The following ATP8B4 variants were observed in gnomAD, a reference collection of about 807,000 sequenced individuals.
ATP8B4 encodes the protein probable phospholipid-transporting ATPase IM.
Under a neutral mutation model 145.6 loss-of-function variants are expected in ATP8B4, and 133 were observed. That is an observed-to-expected ratio of 0.91 (90% CI 0.79 to 1.05). The LOEUF is 1.05. Among genes scored for constraint, ATP8B4 ranks in the 50% least tolerant of loss-of-function variants. The probability of loss-of-function intolerance (pLI) is 0.00; values close to 1 mark genes in which losing one functional copy is unlikely to be tolerated. For synonymous variants in ATP8B4, 507 were observed against 492.9 expected (o/e 1.03, Z -0.38); for missense variants, 1,458 against 1,425.2 (o/e 1.02, Z -0.37).
chr15:50,125,036 A>C (rs1377411628), intron 1 of ATP8B4, among the ~76,000 whole-genome samples: 1 of 152,224 alleles, frequency 6.6e-6, no homozygotes, highest in Non-Finnish European at 1.5e-5. Flanking sequence ...ATCTCTTGCT[A>C]TCAGGGGAGT....
intron 7 of ATP8B4, among the ~76,000 whole-genome samples, chr15:50,008,710 T>C (rs1599776258): frequency 1.3e-5 from 2 of 152,118 alleles, no homozygotes; most frequent in South Asian, 4.1e-4. Context: ...TGAGGCACCA[T>C]AGAGTTAAAA....
intron 2 of ATP8B4, among the ~76,000 whole-genome samples, chr15:50,105,909 T>C (rs902746804): frequency 8.3e-6 from 1 of 120,154 alleles, no homozygotes; most frequent in African/African-American, 3.3e-5. Context: ...TAAGATTGTA[T>C]ATAAATAAAT....
intron 23 of ATP8B4, among the ~76,000 whole-genome samples, chr15:49,887,761 T>G (rs2036367219): frequency 6.6e-6 from 1 of 152,188 alleles, no homozygotes; most frequent in African/African-American, 2.4e-5. Context: ...GAGCAATTTA[T>G]CAGCCTTATC....
At chr15:49,985,289 G>T (rs1016762249) in intron 10 of ATP8B4, among the ~76,000 whole-genome samples, 1 of 151,932 alleles carries the variant, frequency 6.6e-6, no homozygotes, top group South Asian at 2.1e-4. Flanking sequence ...GTAGAGATGG[G>T]GTTTCACCAT....
intron 1 of ATP8B4, among the ~76,000 whole-genome samples, chr15:50,135,721 A>C (rs956473835): frequency 3.3e-5 from 5 of 152,232 alleles, no homozygotes; most frequent in Non-Finnish European, 1.5e-5. Context: ...GAAACCTGAC[A>C]TACATAAAAC....
intron 6 of ATP8B4, among the ~76,000 whole-genome samples, chr15:50,020,099 T>C (rs1023365090): frequency 6.6e-6 from 1 of 151,938 alleles, no homozygotes; most frequent in Non-Finnish European, 1.5e-5. Flanking sequence ...CAACTGCAGG[T>C]GCACACCACC....
At chr15:50,171,195 G>T (rs2044669283) in intron 1 of ATP8B4, among the ~76,000 whole-genome samples, 2 of 151,996 alleles carry the variant, frequency 1.3e-5, no homozygotes, top group African/African-American at 4.8e-5. Flanking sequence ...CTATACCTTG[G>T]AACAAACAGA....
rs1489043308 is a variant in ATP8B4, at chr15:50,072,921, C to CCCCTCTCTCT, written c.87+1205_87+1206insAGAGAGAGGG. Among the ~76,000 whole-genome samples, 3 of 27,270 alleles carry CCCCTCTCTCT rather than the reference C, an allele frequency of 1.1e-4. 1 individual carries two copies. Among genetic ancestry groups the CCCCTCTCTCT allele is most frequent in the African/African-American group, 4.3e-4 (3 of 6,910 alleles). The allele number at this position is 27,270 out of a possible 152,430, so 17.9% of individuals were successfully genotyped here. A position where few individuals can be genotyped will look rare whatever the true frequency, so the allele number is the denominator to read the frequency against. On this transcript the variant is annotated intron_variant, in intron 3 of 27. Coordinates refer to ENST00000284509, the MANE Select transcript of ATP8B4 (RefSeq NM_024837.4). Reference sequence around the variant, plus strand: ...TACAGGCATGAGTCACTGTGCCCGGCCTCTCTCTCTCTCTCTCTCTCTCTC... The same window carrying CCCCTCTCTCT: ...TACAGGCATGAGTCACTGTGCCCGGCCCCTCTCTCTCTCTCTCTCTCTCTCTCTCTCTCTC...
At chr15:50,146,948 G>C (rs936659843) in intron 1 of ATP8B4, among the ~76,000 whole-genome samples, 2 of 152,206 alleles carry the variant, frequency 1.3e-5, no homozygotes, top group Non-Finnish European at 2.9e-5. Context: ...AAGCCAGTTG[G>C]AGTTTTTCCA....
At chr15:49,977,379 C>T (rs2045760657) in intron 12 of ATP8B4, among the ~76,000 whole-genome samples, 1 of 152,100 alleles carries the variant, frequency 6.6e-6, no homozygotes, top group South Asian at 2.1e-4. Flanking sequence ...CATTTGTCTT[C>T]ATCAATATGC....
At chr15:50,058,465 C>T (rs561600428) in intron 3 of ATP8B4, among the ~76,000 whole-genome samples, 2 of 152,264 alleles carry the variant, frequency 1.3e-5, no homozygotes, top group Non-Finnish European at 2.9e-5. Context: ...ATAAGAAAGA[C>T]ACAATGGAAA....
chr15:50,172,384 T>C (rs1035455549), intron 1 of ATP8B4, among the ~76,000 whole-genome samples: 1 of 152,240 alleles, frequency 6.6e-6, no homozygotes, highest in Non-Finnish European at 1.5e-5. Flanking sequence ...CCGCGAGTGA[T>C]CTGCCAGCCT....
At chr15:49,952,566 T>G (rs2043197158) in intron 14 of ATP8B4, among the ~76,000 whole-genome samples, 1 of 152,206 alleles carries the variant, frequency 6.6e-6, no homozygotes. Context: ...TGTTCCTCTC[T>G]AAACTGATTA....
chr15:50,056,852 T>C (rs2052644202), intron 3 of ATP8B4, among the ~76,000 whole-genome samples: 1 of 151,994 alleles, frequency 6.6e-6, no homozygotes, highest in African/African-American at 2.4e-5. Flanking sequence ...AATCTATGCA[T>C]TGTCTATATG....
intron 5 of ATP8B4, among the ~76,000 whole-genome samples, chr15:50,043,153 T>A (rs188545794): frequency 6.6e-6 from 1 of 152,284 alleles, no homozygotes; most frequent in African/African-American, 2.4e-5. Flanking sequence ...AACCTGTAAC[T>A]CATTGGCATA....
At position 50,106,962 on chromosome 15, in the gene ATP8B4, A is replaced by AACATTATTAT. The variant is rs1419570348; in HGVS notation, c.-6_4dup (p.Phe2TyrfsTer7). ...ACCACGCAATTTCTTTTCACTGCAG[A>AACATTATTAT]ACATTATTATACCTGATCTTTCACC... On this transcript the variant is annotated frameshift_variant, in exon 2 of 28. Transcript: ENST00000284509. LOFTEE classifies it high-confidence loss of function. 4 of 1,598,720 alleles carry AACATTATTAT rather than the reference A, an allele frequency of 2.5e-6. No individual in the cohort carries two copies. The highest frequency in any genetic ancestry group is 2.6e-6 in the Non-Finnish European group (3 of 1,173,738).
chr15:50,085,872 T>TC (rs2054886529), intron 2 of ATP8B4, among the ~76,000 whole-genome samples: 1 of 38,474 alleles, frequency 2.6e-5, no homozygotes, highest in Admixed American at 3.1e-4. Flanking sequence ...ACGTATCATA[T>TC]ATATTTATAT....
intron 23 of ATP8B4, chr15:49,896,440 T>C (rs571320429): frequency 6.6e-6 from 1 of 152,358 alleles, no homozygotes; most frequent in Non-Finnish European, 1.5e-5. Flanking sequence ...TTGAATAAAA[T>C]GATTTTTTAA....
Position 49,922,457 on chromosome 15 carries a change from T to C in ATP8B4, c.1758+922A>G, listed in dbSNP as rs939356007. 8.2e-5 allele frequency: 35 copies of C among 425,734 alleles called. No individual in the cohort carries two copies. In the East Asian group the frequency reaches 2.3e-3, roughly 28 times the overall value. The allele number at this position is 425,734 out of a possible 1,614,324, so 26.4% of individuals were successfully genotyped here. On this transcript the variant is annotated intron_variant, in intron 17 of 27. Transcript: ENST00000284509. The stretch of plus-strand genomic sequence containing the variant: ...TCTCTATTGGAAAGACAAAAAACAA[T>C]AGCTATGTTTGTAACCAATATTACC...
Sources: gnomAD v4.1 joint callset for allele counts (sites outside exome capture counted in the v4.1 genomes callset) on GRCh38, gnomAD v4.1.1 for gene constraint, MANE v1.5 for transcripts, NCBI Gene and HGNC (gene_info 2026-07-23, HGNC 2026-07-21) for gene names.